The following CCDC148 variants were observed in gnomAD, a reference collection of about 807,000 sequenced individuals.
CCDC148 encodes coiled-coil domain-containing protein 148.
In CCDC148, 89 loss-of-function variants were observed where a neutral mutation model predicts 85.7. The ratio of observed to expected loss-of-function variants is 1.04; its 90% CI spans 0.87 to 1.24. CCDC148 has a LOEUF of 1.24. Ranked by LOEUF, CCDC148 falls within the 50% of genes most tolerant of loss-of-function variation. The probability of loss-of-function intolerance (pLI) is 0.00; values close to 1 mark genes in which losing one functional copy is unlikely to be tolerated. For missense variants in CCDC148, 692 were observed against 671.7 expected, an observed-to-expected ratio of 1.03 and a Z score of -0.33; for synonymous variants, 230 against 213.9, an observed-to-expected ratio of 1.08 and a Z score of -0.66.
intron 7 of CCDC148, among the ~76,000 whole-genome samples, chr2:158,334,072 C>T (rs1021270226): frequency 2.0e-5 from 3 of 152,146 alleles, no homozygotes; most frequent in Non-Finnish European, 1.5e-5. Flanking sequence ...CAGATATTTA[C>T]AGTGAGAACT....
At chr2:158,391,400 T>C (rs983229464) in intron 1 of CCDC148, among the ~76,000 whole-genome samples, 1 of 152,168 alleles carries the variant, frequency 6.6e-6, no homozygotes, top group African/African-American at 2.4e-5. Flanking sequence ...AGAGAACATT[T>C]AACCAAGATG....
chr2:158,190,082 G>T (rs576748356), intron 11 of CCDC148, among the ~76,000 whole-genome samples: 1 of 151,992 alleles, frequency 6.6e-6, no homozygotes, highest in South Asian at 2.1e-4. Flanking sequence ...GTATGTCTTT[G>T]TAAGATATTT....
intron 7 of CCDC148, among the ~76,000 whole-genome samples, chr2:158,323,028 A>G (rs914344875): frequency 8.5e-5 from 13 of 152,308 alleles, no homozygotes; most frequent in African/African-American, 3.1e-4. Flanking sequence ...TTAAAGCCAC[A>G]ATCTCATCTG....
chr2:158,268,141 CTT>C (rs1689551909), intron 9 of CCDC148, among the ~76,000 whole-genome samples: 1 of 152,136 alleles, frequency 6.6e-6, no homozygotes, highest in South Asian at 2.1e-4. Flanking sequence ...ACATGTTTAA[CTT>C]TATAAAAAAC....
chr2:158,349,488 A>C (rs1300877540), intron 2 of CCDC148, among the ~76,000 whole-genome samples: 2 of 151,936 alleles, frequency 1.3e-5, no homozygotes, highest in East Asian at 3.8e-4. Context: ...TACTATTATA[A>C]TAATAATTCT....
At chr2:158,439,628 G>GA (rs1687844709) in intron 1 of CCDC148, among the ~76,000 whole-genome samples, 1 of 149,338 alleles carries the variant, frequency 6.7e-6, no homozygotes, top group South Asian at 2.1e-4. Context: ...AGTATAAAAA[G>GA]AAAAAAAAAG....
intron 1 of CCDC148, among the ~76,000 whole-genome samples, chr2:158,450,532 C>T (rs1456197022): frequency 1.3e-5 from 2 of 152,216 alleles, no homozygotes; most frequent in Admixed American, 1.3e-4. Context: ...CATAGGTCCA[C>T]TTACGGTAAG....
chr2:158,329,573 G>A (rs1177309153), intron 7 of CCDC148, among the ~76,000 whole-genome samples: 1 of 151,860 alleles, frequency 6.6e-6, no homozygotes, highest in Non-Finnish European at 1.5e-5. Context: ...TGATGGGGAT[G>A]GCATTGAATC....
chr2:158,361,469 G>A (rs748523168), intron 1 of CCDC148, among the ~76,000 whole-genome samples: 35 of 152,216 alleles, frequency 2.3e-4, no homozygotes, highest in African/African-American at 5.5e-4. Flanking sequence ...GACTAACAGC[G>A]GATCTCTCTG....
At chr2:158,450,026 A>G (rs1414100046) in intron 1 of CCDC148, among the ~76,000 whole-genome samples, 1 of 151,068 alleles carries the variant, frequency 6.6e-6, no homozygotes, top group African/African-American at 2.4e-5. Flanking sequence ...TTAACTACAG[A>G]CAAATGTGGC....
chr2:158,450,056 T>C (rs182914055), intron 1 of CCDC148, among the ~76,000 whole-genome samples: 27 of 151,872 alleles, frequency 1.8e-4, no homozygotes, highest in African/African-American at 6.5e-4. Context: ...CAAGATGATG[T>C]ATTAGTAGGT....
rs988217025 is a variant in CCDC148 at position 158,352,161 on chromosome 2, C to G, written c.147+6288G>C. Among the ~76,000 whole-genome samples, 112 of 149,768 alleles carry G rather than the reference C, an allele frequency of 7.5e-4. 1 individual carries two copies. Among genetic ancestry groups the G allele is most frequent in the African/African-American group, 2.6e-3 (103 of 40,098 alleles). On this transcript the variant is annotated intron_variant, in intron 2 of 13. Coordinates refer to ENST00000283233, the MANE Select transcript of CCDC148 (RefSeq NM_138803.4). ...CAGAAAAACTGGAAACTCCAAAAAG[C>G]AGAGTGCCTCTCCTCCTCCAAAGGA... is the stretch of plus-strand genomic sequence containing the variant.
intron 9 of CCDC148, among the ~76,000 whole-genome samples, chr2:158,253,108 A>G (rs1688863227): frequency 6.6e-6 from 1 of 151,648 alleles, no homozygotes; most frequent in African/African-American, 2.4e-5. Flanking sequence ...ACATTTCTTA[A>G]GCGCGGATGA....
intron 1 of CCDC148, among the ~76,000 whole-genome samples, chr2:158,396,701 T>A (rs1685536955): frequency 6.6e-6 from 1 of 152,078 alleles, no homozygotes; most frequent in South Asian, 2.1e-4. Context: ...CATTGGAAGG[T>A]TTAAATCATA....
chr2:158,434,267 G>A lies in CCDC148; in HGVS notation c.25+22148C>T, dbSNP rs115133433. On this transcript the variant is annotated intron_variant, in intron 1 of 13. Coordinates refer to ENST00000283233, the MANE Select transcript of CCDC148 (RefSeq NM_138803.4). ...ATACAGCCAGGTGCCCCTCTGAGAC[G>A]AAGTGTCCAGAAGAAGGATCAGGCA... is the stretch of plus-strand genomic sequence containing the variant. Among the ~76,000 whole-genome samples, 177 of 152,216 alleles carry A rather than the reference G, an allele frequency of 1.2e-3. 1 individual carries two copies. The highest frequency in any genetic ancestry group is 3.9e-3 in the South Asian group (19 of 4,824).
At chr2:158,192,005 A>G (rs781141329) in intron 11 of CCDC148, among the ~76,000 whole-genome samples, 11 of 152,074 alleles carry the variant, frequency 7.2e-5, no homozygotes, top group Non-Finnish European at 1.5e-4. Flanking sequence ...GCTTTCATCA[A>G]CACTCAGACA....
chr2:158,247,541 A>C (rs1688616295), intron 10 of CCDC148, among the ~76,000 whole-genome samples: 1 of 152,122 alleles, frequency 6.6e-6, no homozygotes, highest in Non-Finnish European at 1.5e-5. Context: ...ATGCTAGCTC[A>C]CTTCTACTAC....
chr2:158,421,240 A>G (rs1686765608), intron 1 of CCDC148, among the ~76,000 whole-genome samples: 3 of 152,322 alleles, frequency 2.0e-5, no homozygotes. Flanking sequence ...AAGCAGACAT[A>G]ATAGACATCT....
rs112809044 is a variant in CCDC148, at chr2:158,318,317, T to A, written c.765-4423A>T. ...CAGTCCCTGGCTCTACCAGTCTGGCTACTTAGCTGGAAGGTGACAACCAGA... is the reference window on the plus strand; with the variant it reads ...CAGTCCCTGGCTCTACCAGTCTGGCAACTTAGCTGGAAGGTGACAACCAGA... On this transcript the variant is annotated intron_variant, in intron 7 of 13. Coordinates refer to ENST00000283233, the MANE Select transcript of CCDC148 (RefSeq NM_138803.4). 3.5e-3 allele frequency among the ~76,000 whole-genome samples: 530 copies of A among 152,302 alleles called. 2 individuals carry two copies. Among genetic ancestry groups the A allele is most frequent in the African/African-American group, 0.012 (509 of 41,560 alleles).
Sources: gnomAD v4.1 joint callset for allele counts (sites outside exome capture counted in the v4.1 genomes callset) on GRCh38, gnomAD v4.1.1 for gene constraint, MANE v1.5 for transcripts, NCBI Gene and HGNC (gene_info 2026-07-23, HGNC 2026-07-21) for gene names.